The following CEP192 variants were observed in gnomAD, a reference collection of about 807,000 sequenced individuals.
CEP192 encodes the protein centrosomal protein of 192 kDa.
Under a neutral mutation model 271.8 loss-of-function variants are expected in CEP192, and 151 were observed. That is an observed-to-expected ratio of 0.56 (90% CI 0.49 to 0.64). The LOEUF (loss-of-function observed/expected upper bound fraction) is 0.64. Among genes scored for constraint, CEP192 ranks in the 30% least tolerant of loss-of-function variants. The pLI, the probability that CEP192 is intolerant of heterozygous loss-of-function variation, is 0.00. For missense variants in CEP192, 2,910 were observed against 3,020.5 expected, an observed-to-expected ratio of 0.96 and a Z score of 0.86; for synonymous variants, 995 against 1,076.5, an observed-to-expected ratio of 0.92 and a Z score of 1.48.
intron 21 of CEP192, among the ~76,000 whole-genome samples, chr18:13,060,656 C>T (rs1388035919): frequency 6.6e-6 from 1 of 152,156 alleles, no homozygotes; most frequent in Non-Finnish European, 1.5e-5. Context: ...TGGGCACTGG[C>T]ACACACCTGT....
At position 13,068,142 on chromosome 18, in the gene CEP192, G is replaced by A. The variant is rs1568366846; in HGVS notation, c.4663G>A (p.Ala1555Thr). Reference protein sequence around the residue: ...CFTFSKESVRAPVEVAPCADV... With the variant: ...CFTFSKESVRTPVEVAPCADV... Reference sequence around the variant, plus strand: ...CACGTTTTCCAAGGAATCCGTCCGAGCTCCTGTGGAAGTTGCTCCTTGCGC... The same window carrying A: ...CACGTTTTCCAAGGAATCCGTCCGAACTCCTGTGGAAGTTGCTCCTTGCGC... The change falls in exon 23 of 45, where the codon GCT becomes ACT. Residue 1555 changes from alanine (A) to threonine (T), a missense_variant. By Grantham distance (58) the Ala-to-Thr change is moderately conservative. Transcript: ENST00000506447. 6.2e-7 allele frequency: 1 copy of A among 1,614,218 alleles called. No individual in the cohort carries two copies. Among genetic ancestry groups the A allele is most frequent in the Non-Finnish European group, 8.5e-7 (1 of 1,180,028 alleles).
At chr18:13,075,532 C>T (rs1390441366) in intron 30 of CEP192, among the ~76,000 whole-genome samples, 1 of 152,060 alleles carries the variant, frequency 6.6e-6, no homozygotes, top group South Asian at 2.1e-4. Flanking sequence ...CGCCACTGCA[C>T]TCCAGCCTGG....
chr18:13,114,917 G>A (rs144576469), intron 42 of CEP192, among the ~76,000 whole-genome samples: 12 of 152,128 alleles, frequency 7.9e-5, no homozygotes, highest in African/African-American at 2.2e-4. Context: ...TATACCAGCC[G>A]CATATATAGC....
chr18:13,006,586 G>A (rs1045193888), intron 3 of CEP192, among the ~76,000 whole-genome samples: 5 of 152,080 alleles, frequency 3.3e-5, no homozygotes, highest in Non-Finnish European at 5.9e-5. Flanking sequence ...CCTTTTCTCC[G>A]GGGCTGCTTG....
chr18:13,100,471 A>G lies in CEP192; in HGVS notation c.6830A>G (p.Lys2277Arg), dbSNP rs1264291666. Residue 2277 changes from lysine (K) to arginine (R), a missense_variant, in exon 38 of 45, where the codon AAG becomes AGG. Transcript: ENST00000506447. ...PPSTKVEIRNKSITFPTTEPG... is the reference protein window; with the variant it reads ...PPSTKVEIRNRSITFPTTEPG... ...TCCACAAAAGTTGAAATAAGAAACA[A>G]GAGTATTACTTTTCCTACAACAGAA... 1 of 1,613,930 alleles carries G rather than the reference A, an allele frequency of 6.2e-7. No homozygotes were observed. The highest frequency in any genetic ancestry group is 1.3e-5 in the African/African-American group (1 of 74,950).
At chr18:12,997,322 C>T (rs568811330) in intron 1 of CEP192, among the ~76,000 whole-genome samples, 4 of 152,198 alleles carry the variant, frequency 2.6e-5, no homozygotes, top group East Asian at 1.9e-4. Context: ...AAGTCTGAGC[C>T]CTGAACAAAG....
rs761260400 is a variant in CEP192 at position 13,099,539 on chromosome 18, G to A, written c.6621G>A (p.Pro2207=). ...TATCCACAAAACAGTCAATGTTCCC[G>A]TGGAGTGGTTTGATCTATATACACT... The part of the protein sequence containing the change: ...SSLSTKQSMF[P]WSGLIYIHCD... The change falls in exon 37 of 45, where the codon CCG becomes CCA. Residue 2207 remains proline, a synonymous_variant. Coordinates refer to ENST00000506447, the MANE Select transcript of CEP192 (RefSeq NM_032142.4). 8.7e-6 allele frequency: 14 copies of A among 1,604,454 alleles called. No homozygotes were observed. Among genetic ancestry groups the A allele is most frequent in the African/African-American group, 2.7e-5 (2 of 74,296 alleles).
rs573280192 is a variant in CEP192, at chr18:13,116,449, G to A, written c.7362G>A (p.Gly2454=). 4.0e-5 allele frequency: 64 copies of A among 1,611,508 alleles called. No individual in the cohort carries two copies. The South Asian group carries it at 7.0e-4, about 18-fold the overall frequency. The part of the protein sequence containing the change: ...DVYRFRPTSV[G]ESRTLKVNLR... Reference sequence around the variant, plus strand: ...ACAGGTTCCGGCCGACTAGTGTGGGGGAATCACGGACACTTAAAGTCAATC... The same window carrying A: ...ACAGGTTCCGGCCGACTAGTGTGGGAGAATCACGGACACTTAAAGTCAATC... The change falls in exon 43 of 45, where the codon GGG becomes GGA. Residue 2454 remains glycine, a synonymous_variant. Transcript: ENST00000506447.
chr18:13,038,760 C>G (rs1033418767), intron 13 of CEP192, among the ~76,000 whole-genome samples, 181 bp downstream of exon 13: 1 of 152,146 alleles, frequency 6.6e-6, no homozygotes, highest in Non-Finnish European at 1.5e-5. Context: ...TTAGCTAATT[C>G]TGGGACATTG....
chr18:13,040,631 G>C (rs928790524), intron 13 of CEP192, among the ~76,000 whole-genome samples, 199 bp from the exon 14 acceptor site: 1 of 152,086 alleles, frequency 6.6e-6, no homozygotes, highest in Non-Finnish European at 1.5e-5. Flanking sequence ...GAGTTCTAAT[G>C]GTTAAAAGGT....
chr18:13,023,104 C>T (rs73417570), intron 9 of CEP192, among the ~76,000 whole-genome samples: 2,169 of 152,268 alleles, frequency 0.014, 59 homozygotes, highest in African/African-American at 0.05. Flanking sequence ...CATAGATAAT[C>T]ATGTCATCTA....
chr18:13,077,327 A>C (rs2038345447), intron 30 of CEP192, among the ~76,000 whole-genome samples: 1 of 152,172 alleles, frequency 6.6e-6, no homozygotes, highest in South Asian at 2.1e-4. Flanking sequence ...TGATGCTCAA[A>C]GGAAATGCTC....
intron 30 of CEP192, among the ~76,000 whole-genome samples, chr18:13,078,264 AT>A (rs1170948510): frequency 1.3e-5 from 2 of 152,116 alleles, no homozygotes; most frequent in Non-Finnish European, 2.9e-5. Context: ...ACATGAACTT[AT>A]CCTTTTTTAT....
intron 41 of CEP192, 35 bp from the exon 42 acceptor site, chr18:13,114,095 T>C (rs755731151): frequency 3.8e-6 from 6 of 1,580,348 alleles, no homozygotes; most frequent in Non-Finnish European, 5.1e-6. Flanking sequence ...TTAGTTTTTA[T>C]TTCTTCTCCG....
intron 24 of CEP192, among the ~76,000 whole-genome samples, 164 bp downstream of exon 24, chr18:13,068,586 C>G (rs1354104900): frequency 1.3e-5 from 2 of 152,132 alleles, no homozygotes; most frequent in Non-Finnish European, 2.9e-5. Flanking sequence ...TGGGTCAATC[C>G]TGTGTAAGTG....
chr18:13,115,001 G>A (rs2040365281), intron 42 of CEP192, among the ~76,000 whole-genome samples: 1 of 152,120 alleles, frequency 6.6e-6, no homozygotes, highest in Non-Finnish European at 1.5e-5. Context: ...TAGTAATTAG[G>A]TCTAATTAAG....
In CEP192 at chr18:13,079,649, C is replaced by A. The variant is rs186618914; in HGVS notation, c.5616+6464C>A. ...GAAGCTCTTTAGTTTAATTAGATCC[C>A]ATTTGTCTATTTTGGCTTTTGTTGC... On this transcript the variant is annotated intron_variant, in intron 30 of 44. Transcript: ENST00000506447. 4.2e-3 allele frequency among the ~76,000 whole-genome samples: 642 copies of A among 152,244 alleles called. 5 individuals are homozygous for A. The highest frequency in any genetic ancestry group is 0.014 in the African/African-American group (593 of 41,544).
chr18:13,043,048 C>T (rs896437477), intron 15 of CEP192, among the ~76,000 whole-genome samples: 52 of 152,138 alleles, frequency 3.4e-4, no homozygotes, highest in African/African-American at 1.1e-3. Flanking sequence ...TTCCTGTCAC[C>T]GCATGTCCTC....
chr18:13,026,329 T>C (rs2035298708), intron 9 of CEP192, among the ~76,000 whole-genome samples: 1 of 152,156 alleles, frequency 6.6e-6, no homozygotes, highest in African/African-American at 2.4e-5. Context: ...TATGCTTAGG[T>C]GAAGTATTGG....
Sources: allele counts gnomAD v4.1 joint callset (sites outside exome capture counted in the v4.1 genomes callset), GRCh38; gene constraint gnomAD v4.1.1; transcripts MANE v1.5; gene names NCBI Gene and HGNC (gene_info 2026-07-23, HGNC 2026-07-21).